Variants in PRKG1 observed in about 807,000 individuals in gnomAD.
The protein encoded by PRKG1 is cGMP-dependent protein kinase 1.
Under a neutral mutation model 88.1 loss-of-function variants are expected in PRKG1, and 35 were observed. The observed-to-expected ratio is 0.40, with a 90% CI of 0.30 to 0.53. The LOEUF is 0.53. Among genes scored for constraint, PRKG1 ranks in the 20% least tolerant of loss-of-function variants. PRKG1 has a pLI of 0.59. For synonymous variants in PRKG1, 303 were observed against 292.5 expected (o/e 1.04, Z -0.37); for missense variants, 540 against 839.8 (o/e 0.64, Z 4.41).
chr10:52,023,781 T>G (rs907281568), intron 5 of PRKG1, among the ~76,000 whole-genome samples: 1 of 152,164 alleles, frequency 6.6e-6, no homozygotes, highest in Non-Finnish European at 1.5e-5. Context: ...CTTATAAATT[T>G]GTTTAAGTTC....
At chr10:51,859,982 T>C (rs567316006) in intron 4 of PRKG1, among the ~76,000 whole-genome samples, 3 of 152,320 alleles carry the variant, frequency 2.0e-5, no homozygotes, top group East Asian at 3.9e-4. Context: ...GTATGTTACA[T>C]GTGACACCTT....
intron 2 of PRKG1, among the ~76,000 whole-genome samples, chr10:51,458,560 G>T (rs1465025719): frequency 6.6e-6 from 1 of 151,806 alleles, no homozygotes; most frequent in Non-Finnish European, 1.5e-5. Context: ...TATTAATACT[G>T]TGAAGCAGGT....
chr10:51,386,763 A>AATT (rs1351119095), intron 2 of PRKG1, among the ~76,000 whole-genome samples: 1 of 152,194 alleles, frequency 6.6e-6, no homozygotes, highest in African/African-American at 2.4e-5. Flanking sequence ...TGACACATAA[A>AATT]ATTAATCATC....
At chr10:52,100,725 T>C (rs1847275285) in intron 7 of PRKG1, among the ~76,000 whole-genome samples, 1 of 152,206 alleles carries the variant, frequency 6.6e-6, no homozygotes, top group African/African-American at 2.4e-5. Flanking sequence ...TAAAATTGCT[T>C]TGTTGGTTTC....
intron 4 of PRKG1, among the ~76,000 whole-genome samples, chr10:51,813,391 T>TA (rs1192806827): frequency 6.6e-6 from 1 of 152,106 alleles, no homozygotes; most frequent in Non-Finnish European, 1.5e-5. Flanking sequence ...TTAGGTGCAA[T>TA]AAAAAATGTA....
intron 2 of PRKG1, among the ~76,000 whole-genome samples, chr10:51,313,887 G>A (rs1841255322): frequency 6.6e-6 from 1 of 152,080 alleles, no homozygotes; most frequent in East Asian, 1.9e-4. Context: ...TTCAAGTTTT[G>A]CTTTTTGGAA....
intron 7 of PRKG1, among the ~76,000 whole-genome samples, chr10:52,076,070 T>C (rs1257391477): frequency 6.6e-6 from 1 of 152,206 alleles, no homozygotes; most frequent in Non-Finnish European, 1.5e-5. Context: ...ACAAATGATG[T>C]TGAAACAATT....
intron 2 of PRKG1, among the ~76,000 whole-genome samples, chr10:51,393,651 G>A (rs2132653905): frequency 6.6e-6 from 1 of 152,276 alleles, no homozygotes; most frequent in South Asian, 2.1e-4. Flanking sequence ...GAGGCAGGTG[G>A]CATTGGCTCA....
chr10:51,679,178 A>G (rs780990056), intron 3 of PRKG1, among the ~76,000 whole-genome samples: 1 of 152,162 alleles, frequency 6.6e-6, no homozygotes. Flanking sequence ...CTGAAAATCT[A>G]TGTTGCTAAG....
At chr10:51,943,531 C>A (rs568838284) in intron 5 of PRKG1, among the ~76,000 whole-genome samples, 1 of 152,078 alleles carries the variant, frequency 6.6e-6, no homozygotes, top group Admixed American at 6.5e-5. Flanking sequence ...TGTCTTATGC[C>A]AGTTTTCAAA....
At chr10:51,467,585 G>A (rs776221862) in intron 2 of PRKG1, 138 bp from the exon 3 acceptor site, 111 of 550,842 alleles carry the variant, frequency 2.0e-4, no homozygotes, top group Non-Finnish European at 3.0e-4. Flanking sequence ...TATTTCTTGC[G>A]CTGCCTCGTG....
intron 2 of PRKG1, among the ~76,000 whole-genome samples, chr10:51,310,780 G>T (rs1234271710): frequency 6.6e-6 from 1 of 152,058 alleles, no homozygotes; most frequent in African/African-American, 2.4e-5. Context: ...ATGAGACAAG[G>T]TGCCCCCATT....
intron 5 of PRKG1, among the ~76,000 whole-genome samples, chr10:51,984,058 A>G (rs1844087163): frequency 6.6e-6 from 1 of 152,376 alleles, no homozygotes; most frequent in African/African-American, 2.4e-5. Context: ...AGAAGTACAC[A>G]ATTACAGACA....
chr10:51,464,395 G>A lies in PRKG1; in HGVS notation c.479-3328G>A, dbSNP rs572489142. Among the ~76,000 whole-genome samples the A allele has an allele frequency of 1.2e-4, 18 of 152,176 alleles. No homozygotes were observed. In the South Asian group the frequency reaches 3.7e-3, roughly 32 times the overall value. On this transcript the variant is annotated intron_variant, in intron 2 of 17. Transcript: ENST00000373980. Reference sequence around the variant, plus strand: ...AATTTCCAGTGTTTAACTTAGCCTGGAAAAGATGTTTTATGTCAAAACTGC... The same window carrying A: ...AATTTCCAGTGTTTAACTTAGCCTGAAAAAGATGTTTTATGTCAAAACTGC...
intron 7 of PRKG1, among the ~76,000 whole-genome samples, chr10:52,110,666 A>G (rs949847609): frequency 6.6e-6 from 1 of 152,162 alleles, no homozygotes; most frequent in African/African-American, 2.4e-5. Context: ...GCTTCCCAGC[A>G]AACAGTGCAA....
At chr10:52,006,100 C>CA (rs35009632) in intron 5 of PRKG1, among the ~76,000 whole-genome samples, 87,035 of 150,104 alleles carry the variant, frequency 0.58, 25,473 homozygotes, top group East Asian at 0.91. Flanking sequence ...AACAAACAAA[C>CA]AAAAAAAACA....
chr10:51,689,239 A>ACCATCTAT (rs1554832293), intron 3 of PRKG1, among the ~76,000 whole-genome samples: 1 of 150,220 alleles, frequency 6.7e-6, no homozygotes, highest in Non-Finnish European at 1.5e-5. Flanking sequence ...AAATCTATCT[A>ACCATCTAT]CTATCTATCT....
intron 2 of PRKG1, among the ~76,000 whole-genome samples, chr10:51,262,787 CCCACACTTTGAAG>C (rs1839744714): frequency 6.6e-6 from 1 of 152,106 alleles, no homozygotes. Flanking sequence ...GGGGGAAGTG[CCCACACTTTGAAG>C]CCATCAGATC....
intron 5 of PRKG1, among the ~76,000 whole-genome samples, chr10:51,963,555 G>A (rs1843496635): frequency 6.6e-6 from 1 of 151,990 alleles, no homozygotes; most frequent in Non-Finnish European, 1.5e-5. Context: ...TACCTCCTGG[G>A]TTCAAGTGAT....
Sources: allele counts gnomAD v4.1 joint callset (sites outside exome capture counted in the v4.1 genomes callset), GRCh38; gene constraint gnomAD v4.1.1; transcripts MANE v1.5; gene names NCBI Gene and HGNC (gene_info 2026-07-23, HGNC 2026-07-21).